STAU2: variants seen among roughly 807,000 people sequenced by gnomAD.
The protein encoded by STAU2 is staufen double-stranded RNA binding protein 2, also known as double-stranded RNA-binding protein Staufen homolog 2.
A neutral mutation model predicts 65.9 loss-of-function variants in STAU2; 20 were observed. The observed-to-expected ratio is 0.30, with a 90% CI of 0.21 to 0.44. STAU2 has a LOEUF of 0.44. STAU2 is among the 20% of genes least tolerant of loss of function. The pLI, the probability that STAU2 is intolerant of heterozygous loss-of-function variation, is 1.00. For missense variants in STAU2, 558 were observed against 683.9 expected, an observed-to-expected ratio of 0.82 and a Z score of 2.05; for synonymous variants, 232 against 233.9, an observed-to-expected ratio of 0.99 and a Z score of 0.07.
chr8:73,454,750 C>T (rs373905491), intron 13 of STAU2, among the ~76,000 whole-genome samples: 3 of 152,258 alleles, frequency 2.0e-5, no homozygotes, highest in East Asian at 1.9e-4. Context: ...AAAAGACTAA[C>T]GATGGCATTC....
At chr8:73,440,335 T>G (rs113055606) in intron 13 of STAU2, 1 of 152,238 alleles carries the variant, frequency 6.6e-6, no homozygotes. Context: ...AAGTGCCTAG[T>G]GGATTTCTCC....
intron 13 of STAU2, among the ~76,000 whole-genome samples, chr8:73,528,782 G>T (rs1300458369): frequency 6.6e-6 from 1 of 151,914 alleles, no homozygotes; most frequent in Non-Finnish European, 1.5e-5. Flanking sequence ...TCCTTGTCTT[G>T]GTTTTTATTG....
intron 13 of STAU2, among the ~76,000 whole-genome samples, chr8:73,515,262 G>C (rs1822641396): frequency 6.6e-6 from 1 of 152,188 alleles, no homozygotes; most frequent in African/African-American, 2.4e-5. Context: ...ATGAAGGCAG[G>C]GGGTGAAGCA....
chr8:73,646,440 G>C (rs143189307), intron 6 of STAU2, among the ~76,000 whole-genome samples: 134 of 152,312 alleles, frequency 8.8e-4, no homozygotes, highest in African/African-American at 3.2e-3. Context: ...GTGGCCAACT[G>C]TCTTTACACA....
intron 12 of STAU2, among the ~76,000 whole-genome samples, chr8:73,552,825 A>C (rs1807435068): frequency 6.6e-6 from 1 of 152,212 alleles, no homozygotes; most frequent in South Asian, 2.1e-4. Flanking sequence ...GATGTCCCAC[A>C]GACAACTCTA....
At chr8:73,493,743 G>T (rs1821259239) in intron 13 of STAU2, among the ~76,000 whole-genome samples, 1 of 151,628 alleles carries the variant, frequency 6.6e-6, no homozygotes, top group Non-Finnish European at 1.5e-5. Flanking sequence ...CACCTCTAGG[G>T]ATTGATGCAA....
chr8:73,432,316 AG>A (rs1817360527), intron 13 of STAU2, among the ~76,000 whole-genome samples: 1 of 152,212 alleles, frequency 6.6e-6, no homozygotes, highest in Non-Finnish European at 1.5e-5. Flanking sequence ...AGGAAATGAG[AG>A]GTTTTGAATG....
chr8:73,524,873 A>T (rs985664521), intron 13 of STAU2, among the ~76,000 whole-genome samples: 4 of 152,210 alleles, frequency 2.6e-5, no homozygotes, highest in African/African-American at 9.6e-5. Context: ...TTTCCACCTT[A>T]TGAGATCAAG....
intron 13 of STAU2, among the ~76,000 whole-genome samples, chr8:73,451,061 ACGCTGC>A (rs1281948916): frequency 6.6e-6 from 1 of 152,166 alleles, no homozygotes; most frequent in African/African-American, 2.4e-5. Flanking sequence ...GCTGATCCAC[ACGCTGC>A]CGGCAAAGCC....
intron 6 of STAU2, among the ~76,000 whole-genome samples, chr8:73,641,084 T>C (rs547447354): frequency 6.6e-6 from 1 of 152,254 alleles, no homozygotes; most frequent in African/African-American, 2.4e-5. Flanking sequence ...AGTTATATTA[T>C]GCCAAATTTA....
intron 6 of STAU2, among the ~76,000 whole-genome samples, chr8:73,665,144 G>T (rs547871486): frequency 6.6e-6 from 1 of 151,846 alleles, no homozygotes; most frequent in Non-Finnish European, 1.5e-5. Flanking sequence ...TTTGTTATGG[G>T]TTTAGGTTAA....
chr8:73,586,189 C>T (rs1269341863), intron 11 of STAU2, among the ~76,000 whole-genome samples: 2 of 152,158 alleles, frequency 1.3e-5, no homozygotes, highest in African/African-American at 4.8e-5. Flanking sequence ...ATGTGAGTAA[C>T]TGAAACCTAA....
intron 3 of STAU2, among the ~76,000 whole-genome samples, chr8:73,720,545 G>A (rs1369061039): frequency 1.3e-4 from 6 of 47,788 alleles, no homozygotes; most frequent in South Asian, 1.1e-3. Flanking sequence ...TCGCTCTGTC[G>A]CCCAGGCCGG....
intron 3 of STAU2, among the ~76,000 whole-genome samples, chr8:73,735,940 C>A (rs904863432): frequency 5.3e-5 from 8 of 152,134 alleles, no homozygotes; most frequent in African/African-American, 1.7e-4. Flanking sequence ...TAATTAATGG[C>A]AGGTATCCAT....
At chr8:73,649,050 C>T (rs1321413741) in intron 6 of STAU2, among the ~76,000 whole-genome samples, 2 of 152,234 alleles carry the variant, frequency 1.3e-5, no homozygotes, top group Non-Finnish European at 2.9e-5. Flanking sequence ...AAGCAATCCT[C>T]CCACCTTGCC....
intron 6 of STAU2, among the ~76,000 whole-genome samples, chr8:73,662,190 A>T (rs1816880062): frequency 6.6e-6 from 1 of 152,184 alleles, no homozygotes; most frequent in African/African-American, 2.4e-5. Context: ...AGCCATTCTT[A>T]TCTCTATTGT....
Position 73,730,728 on chromosome 8 carries a change from C to CAAA in STAU2, c.-18+7553_-18+7555dup, listed in dbSNP as rs60034849. On this transcript the variant is annotated intron_variant, in intron 3 of 14. Coordinates refer to ENST00000524300, the MANE Select transcript of STAU2 (RefSeq NM_001164380.2). ...GGTAACAGAGCAAGACTACGTCTTT[C>CAAA]AAAAAAAAAAAAAAAAAAAAGACAA... is the stretch of plus-strand genomic sequence containing the variant. 3.7e-4 allele frequency among the ~76,000 whole-genome samples: 31 copies of CAAA among 82,682 alleles called. 1 individual carries two copies. The highest frequency in any genetic ancestry group is 7.7e-3 in the Middle Eastern group (1 of 130). The allele number at this position is 82,682 out of a possible 152,430, so 54.2% of individuals were successfully genotyped here. A position where few individuals can be genotyped will look rare whatever the true frequency, so the allele number is the denominator to read the frequency against.
intron 13 of STAU2, among the ~76,000 whole-genome samples, chr8:73,445,731 C>T (rs376976872): frequency 2.6e-5 from 4 of 152,148 alleles, no homozygotes; most frequent in Non-Finnish European, 5.9e-5. Flanking sequence ...AGAGGATTTA[C>T]GGATGGCAAA....
chr8:73,711,816 T>C (rs1820921252), intron 3 of STAU2, among the ~76,000 whole-genome samples: 1 of 152,162 alleles, frequency 6.6e-6, no homozygotes, highest in Non-Finnish European at 1.5e-5. Context: ...AGTTTTAGTG[T>C]GAGAAGGGTC....
Sources: gnomAD v4.1 joint callset for allele counts (sites outside exome capture counted in the v4.1 genomes callset) on GRCh38, gnomAD v4.1.1 for gene constraint, MANE v1.5 for transcripts, NCBI Gene and HGNC (gene_info 2026-07-23, HGNC 2026-07-21) for gene names.